C8orf34: variants seen among roughly 807,000 people sequenced by gnomAD.
The protein encoded by C8orf34 is uncharacterized protein C8orf34.
Under a neutral mutation model 68.3 loss-of-function variants are expected in C8orf34, and 65 were observed. The observed-to-expected ratio is 0.95, with a 90% CI of 0.78 to 1.17. The LOEUF is 1.17. Among genes scored for constraint, C8orf34 ranks in the 50% most tolerant of loss-of-function variants. C8orf34 has a pLI of 0.00. For missense variants in C8orf34, 664 were observed against 655.4 expected (o/e 1.01, Z -0.14); for synonymous variants, 244 against 241.2 (o/e 1.01, Z -0.11).
At chr8:68,412,323 T>A (rs1310620412) in intron 1 of C8orf34, among the ~76,000 whole-genome samples, 1 of 152,194 alleles carries the variant, frequency 6.6e-6, no homozygotes, top group Non-Finnish European at 1.5e-5. Flanking sequence ...GTTTTATAAT[T>A]TTTTATTTTA....
At chr8:68,581,196 C>T (rs977195657) in intron 7 of C8orf34, among the ~76,000 whole-genome samples, 3 of 151,810 alleles carry the variant, frequency 2.0e-5, no homozygotes, top group East Asian at 1.9e-4. Flanking sequence ...GATGAAATGG[C>T]GAAGTGGATG....
chr8:68,732,071 G>T (rs1042591510), intron 10 of C8orf34, among the ~76,000 whole-genome samples: 2 of 152,200 alleles, frequency 1.3e-5, no homozygotes, highest in African/African-American at 4.8e-5. Context: ...TTAAGATTGC[G>T]TCTGAGATTT....
chr8:68,648,617 C>G (rs943496829), intron 8 of C8orf34, among the ~76,000 whole-genome samples: 9 of 152,048 alleles, frequency 5.9e-5, no homozygotes, highest in African/African-American at 1.7e-4. Flanking sequence ...TTCCTTCATG[C>G]TTAACATCAA....
intron 12 of C8orf34, among the ~76,000 whole-genome samples, chr8:68,802,987 G>A (rs545638623): frequency 1.2e-4 from 19 of 152,064 alleles, no homozygotes; most frequent in Middle Eastern, 3.4e-3. Context: ...CTGAGTAGTC[G>A]TATATCTATT....
intron 1 of C8orf34, among the ~76,000 whole-genome samples, chr8:68,378,568 G>A (rs1017045851): frequency 6.6e-5 from 10 of 152,226 alleles, no homozygotes; most frequent in Non-Finnish European, 8.8e-5. Flanking sequence ...GATTACGTGC[G>A]TGAGCCACTG....
intron 5 of C8orf34, among the ~76,000 whole-genome samples, chr8:68,510,893 C>T (rs928546598): frequency 6.6e-6 from 1 of 152,158 alleles, no homozygotes; most frequent in African/African-American, 2.4e-5. Flanking sequence ...AAACTTGGAT[C>T]TCCTCGGCCT....
At chr8:68,789,842 A>G (rs1563670951) in intron 12 of C8orf34, among the ~76,000 whole-genome samples, 1 of 152,238 alleles carries the variant, frequency 6.6e-6, no homozygotes, top group African/African-American at 2.4e-5. Context: ...AAATTTTAAT[A>G]TTGGATTTAT....
intron 9 of C8orf34, among the ~76,000 whole-genome samples, chr8:68,710,084 C>G (rs144211583): frequency 5.3e-4 from 80 of 152,174 alleles, no homozygotes; most frequent in African/African-American, 1.9e-3. Flanking sequence ...TCAAAATATG[C>G]CCAAAGAAGC....
intron 1 of C8orf34, among the ~76,000 whole-genome samples, chr8:68,336,369 C>T (rs567549259): frequency 1.1e-4 from 17 of 151,932 alleles, no homozygotes; most frequent in East Asian, 3.9e-4. Context: ...AGATTTGTTA[C>T]GTACAAGGTG....
intron 8 of C8orf34, among the ~76,000 whole-genome samples, chr8:68,669,321 G>T (rs993896479): frequency 1.3e-5 from 2 of 152,038 alleles, no homozygotes; most frequent in South Asian, 2.1e-4. Flanking sequence ...TTTCAATTTT[G>T]CTGTGAACTC....
chr8:68,465,831 T>G (rs1267928624), intron 3 of C8orf34, among the ~76,000 whole-genome samples: 1 of 151,690 alleles, frequency 6.6e-6, no homozygotes, highest in African/African-American at 2.4e-5. Flanking sequence ...GGGATAGCAT[T>G]AGGAGATATA....
At chr8:68,764,846 T>A (rs373800652) in intron 10 of C8orf34, among the ~76,000 whole-genome samples, 1 of 152,290 alleles carries the variant, frequency 6.6e-6, no homozygotes, top group East Asian at 1.9e-4. Flanking sequence ...TATTAATCAA[T>A]CTTCCATTCA....
chr8:68,592,160 T>G (rs1468584048), intron 7 of C8orf34, among the ~76,000 whole-genome samples: 1 of 152,164 alleles, frequency 6.6e-6, no homozygotes, highest in Non-Finnish European at 1.5e-5. Context: ...TATTTTTTCT[T>G]TCATCCTCTA....
At chr8:68,429,261 A>G (rs544953500) in intron 1 of C8orf34, among the ~76,000 whole-genome samples, 1 of 152,304 alleles carries the variant, frequency 6.6e-6, no homozygotes, top group Admixed American at 6.5e-5. Context: ...AGGTGCTTTC[A>G]AAAAAGAGGG....
intron 7 of C8orf34, among the ~76,000 whole-genome samples, chr8:68,542,763 AACAT>A (rs1316055494): frequency 1.3e-5 from 2 of 152,104 alleles, no homozygotes; most frequent in Non-Finnish European, 2.9e-5. Context: ...CTTATCCAAG[AACAT>A]ACGTTTTTTA....
At chr8:68,388,110 T>C (rs1254688203) in intron 1 of C8orf34, among the ~76,000 whole-genome samples, 1 of 152,186 alleles carries the variant, frequency 6.6e-6, no homozygotes, top group African/African-American at 2.4e-5. Flanking sequence ...CTTCTGGTTT[T>C]TGTTCCCAAG....
At chr8:68,443,900 C>T (rs1264233226) in intron 2 of C8orf34, among the ~76,000 whole-genome samples, 1 of 151,872 alleles carries the variant, frequency 6.6e-6, no homozygotes, top group Non-Finnish European at 1.5e-5. Context: ...TATTTTTATT[C>T]CTTTGTGGGA....
intron 5 of C8orf34, among the ~76,000 whole-genome samples, chr8:68,495,785 G>T (rs1028152732): frequency 6.6e-6 from 1 of 152,148 alleles, no homozygotes; most frequent in Non-Finnish European, 1.5e-5. Context: ...CTGTGCAATT[G>T]GTTATGTCAT....
chr8:68,500,091 G>A (rs1813700979), intron 5 of C8orf34, among the ~76,000 whole-genome samples: 1 of 152,188 alleles, frequency 6.6e-6, no homozygotes, highest in Non-Finnish European at 1.5e-5. Flanking sequence ...TTCACCAGAA[G>A]CAGATGCCAG....
Sources: gnomAD v4.1 joint callset for allele counts (sites outside exome capture counted in the v4.1 genomes callset) on GRCh38, gnomAD v4.1.1 for gene constraint, MANE v1.5 for transcripts, NCBI Gene and HGNC (gene_info 2026-07-23, HGNC 2026-07-21) for gene names.